Variants in CTIF observed in about 807,000 individuals in gnomAD.
CTIF encodes CBP80/20-dependent translation initiation factor.
CTIF carries 21 observed loss-of-function variants against 66.0 expected under a neutral mutation model. The observed-to-expected ratio is 0.32, with a 90% CI of 0.23 to 0.46. CTIF has a LOEUF of 0.46. Among genes scored for constraint, CTIF ranks in the 20% least tolerant of loss-of-function variants. CTIF has a pLI of 1.00. For synonymous variants in CTIF, 345 were observed against 326.4 expected (o/e 1.06, Z -0.62); for missense variants, 739 against 812.7 (o/e 0.91, Z 1.10).
At chr18:48,851,468 C>CGA (rs2069198919) in intron 10 of CTIF, among the ~76,000 whole-genome samples, 1 of 152,200 alleles carries the variant, frequency 6.6e-6, no homozygotes, top group Non-Finnish European at 1.5e-5. Flanking sequence ...GTCAGCGTCT[C>CGA]CCTCTCTCCT....
intron 6 of CTIF, among the ~76,000 whole-genome samples, chr18:48,672,524 C>T (rs1267493944): frequency 6.6e-6 from 1 of 152,152 alleles, no homozygotes; most frequent in Non-Finnish European, 1.5e-5. Context: ...AGGGAAAGCC[C>T]ACCTCTAGCC....
At chr18:48,735,901 T>C (rs35830864) in intron 7 of CTIF, among the ~76,000 whole-genome samples, 55 of 152,252 alleles carry the variant, frequency 3.6e-4, no homozygotes, top group Non-Finnish European at 7.1e-4. Context: ...GGATGGCCTC[T>C]TGGGGAGGGC....
intron 2 of CTIF, among the ~76,000 whole-genome samples, chr18:48,621,968 G>A (rs950761241): frequency 1.5e-4 from 23 of 152,308 alleles, no homozygotes; most frequent in Non-Finnish European, 1.3e-4. Flanking sequence ...GTGTGGGGCC[G>A]CGCATCTAAA....
chr18:48,854,959 C>G (rs2069292147), intron 10 of CTIF, among the ~76,000 whole-genome samples: 1 of 151,694 alleles, frequency 6.6e-6, no homozygotes, highest in Non-Finnish European at 1.5e-5. Flanking sequence ...CATCACAGTG[C>G]TTACCGCCAT....
intron 10 of CTIF, among the ~76,000 whole-genome samples, chr18:48,844,565 G>A (rs369214786): frequency 3.9e-5 from 6 of 152,318 alleles, no homozygotes; most frequent in African/African-American, 7.2e-5. Flanking sequence ...CGCCTGGTCC[G>A]CAGCTAGGGT....
At chr18:48,811,718 G>A (rs932239833) in intron 9 of CTIF, among the ~76,000 whole-genome samples, 1 of 152,122 alleles carries the variant, frequency 6.6e-6, no homozygotes, top group Non-Finnish European at 1.5e-5. Flanking sequence ...GTTCATTCAC[G>A]TTGCAGCATG....
chr18:48,723,888 A>G (rs973936203), intron 7 of CTIF, among the ~76,000 whole-genome samples: 1 of 152,210 alleles, frequency 6.6e-6, no homozygotes, highest in Admixed American at 6.5e-5. Flanking sequence ...ATATTTTGGG[A>G]GGCCTTGGTT....
intron 7 of CTIF, among the ~76,000 whole-genome samples, chr18:48,744,773 T>C (rs182474456): frequency 6.6e-6 from 1 of 152,286 alleles, no homozygotes; most frequent in Non-Finnish European, 1.5e-5. Context: ...CTGCATTCGA[T>C]TGTCATGACT....
At chr18:48,669,036 C>T (rs942673031) in intron 5 of CTIF, among the ~76,000 whole-genome samples, 1 of 152,188 alleles carries the variant, frequency 6.6e-6, no homozygotes, top group African/African-American at 2.4e-5. Flanking sequence ...CAGCTAGTTT[C>T]TCCTCCTCTG....
chr18:48,624,552 C>G (rs140840262), intron 2 of CTIF, among the ~76,000 whole-genome samples: 1 of 152,112 alleles, frequency 6.6e-6, no homozygotes, highest in Admixed American at 6.6e-5. Context: ...ATGTGATGTT[C>G]GTGGATGATC....
At chr18:48,612,962 G>A (rs558787988) in intron 1 of CTIF, among the ~76,000 whole-genome samples, 1 of 152,290 alleles carries the variant, frequency 6.6e-6, no homozygotes, top group South Asian at 2.1e-4. Flanking sequence ...TGGGGGTGGA[G>A]AGGAAAGAGC....
rs182665986 is a variant in CTIF at position 48,757,515 on chromosome 18, A to G, written c.585-404A>G. Reference sequence around the variant, plus strand: ...TATGCATCTTTGCTGGTACATGCATAGAATATGTCTGGAAGATTCACACAC... The same window carrying G: ...TATGCATCTTTGCTGGTACATGCATGGAATATGTCTGGAAGATTCACACAC... On this transcript the variant is annotated intron_variant, in intron 7 of 11. Coordinates refer to ENST00000256413, the MANE Select transcript of CTIF (RefSeq NM_014772.3). Among the ~76,000 whole-genome samples the G allele has an allele frequency of 2.0e-5, 3 of 152,372 alleles. No homozygotes were observed. In the East Asian group the frequency reaches 5.8e-4, roughly 29 times the overall value.
intron 2 of CTIF, among the ~76,000 whole-genome samples, chr18:48,623,139 C>T (rs532324171): frequency 2.0e-5 from 3 of 152,342 alleles, no homozygotes; most frequent in African/African-American, 4.8e-5. Context: ...ATCTGTGTGG[C>T]GGGCAAGGCA....
At chr18:48,770,410 C>T (rs774686295) in intron 9 of CTIF, among the ~76,000 whole-genome samples, 22 of 152,284 alleles carry the variant, frequency 1.4e-4, no homozygotes, top group Non-Finnish European at 2.4e-4. Context: ...TTTCTGTGCA[C>T]GGCATGGGCT....
At chr18:48,785,537 G>C (rs1253534546) in intron 9 of CTIF, among the ~76,000 whole-genome samples, 2 of 151,882 alleles carry the variant, frequency 1.3e-5, no homozygotes, top group African/African-American at 4.9e-5. Context: ...CTCTGAAATG[G>C]GCGGAAGAGC....
chr18:48,756,371 C>T (rs1908365439), intron 7 of CTIF: 1 of 152,024 alleles, frequency 6.6e-6, no homozygotes, highest in South Asian at 2.1e-4. Context: ...ATGCATTTAA[C>T]CCCAACCCAG....
rs11292317 is a variant in CTIF, at chr18:48,678,591, C to CT, written c.507+7863dup. 2.3e-3 allele frequency among the ~76,000 whole-genome samples: 328 copies of CT among 143,534 alleles called. 1 individual carries two copies. The highest frequency in any genetic ancestry group is 0.016 in the South Asian group (71 of 4,490). 94.2% of individuals were successfully genotyped at this position (143,534 alleles called of 152,430 possible). The stretch of plus-strand genomic sequence containing the variant: ...TTTTTATTTTTTGTTATTTGTGAGT[C>CT]TTTTTTTTTTTTTTTTAAAGAACTG... On this transcript the variant is annotated intron_variant, in intron 6 of 11. Transcript: ENST00000256413.
At chr18:48,658,502 G>A (rs377208321) in intron 3 of CTIF, among the ~76,000 whole-genome samples, 3 of 152,024 alleles carry the variant, frequency 2.0e-5, no homozygotes, top group Non-Finnish European at 2.9e-5. Context: ...ATGCATGTAT[G>A]TGTGTAGTAT....
chr18:48,794,771 T>C (rs769823458), intron 9 of CTIF, among the ~76,000 whole-genome samples: 3 of 152,288 alleles, frequency 2.0e-5, no homozygotes, highest in Non-Finnish European at 4.4e-5. Context: ...TTTTCCTGAT[T>C]GTTCAGCAGA....
Sources: allele counts gnomAD v4.1 joint callset (sites outside exome capture counted in the v4.1 genomes callset), GRCh38; gene constraint gnomAD v4.1.1; transcripts MANE v1.5; gene names NCBI Gene and HGNC (gene_info 2026-07-23, HGNC 2026-07-21).